Variants in UBE2J2 observed in about 807,000 individuals in gnomAD.
UBE2J2 encodes ubiquitin conjugating enzyme E2 J2.
A neutral mutation model predicts 28.6 loss-of-function variants in UBE2J2; 5 were observed. The observed-to-expected ratio is 0.17, with a 90% CI of 0.09 to 0.37. The LOEUF is 0.37. Among genes scored for constraint, UBE2J2 ranks in the 10% least tolerant of loss-of-function variants. UBE2J2 has a pLI of 1.00. For synonymous variants in UBE2J2, 138 were observed against 139.7 expected (o/e 0.99, Z 0.09); for missense variants, 226 against 338.9 (o/e 0.67, Z 2.62).
At chr1:1,259,580 A>C (rs1017427221) in intron 3 of UBE2J2, among the ~76,000 whole-genome samples, 2 of 151,984 alleles carry the variant, frequency 1.3e-5, no homozygotes, top group African/African-American at 4.8e-5. Context: ...CTCGGCATCC[A>C]CTCTGAATCT....
chr1:1,256,296 T>C (rs936262406), intron 5 of UBE2J2, 171 bp from the exon 6 acceptor site: 1 of 556,476 alleles, frequency 1.8e-6, no homozygotes. Context: ...CTTCTTAATC[T>C]TCCCCCCATC....
intron 2 of UBE2J2, chr1:1,266,073 C>T (rs1191728684): frequency 3.8e-5 from 49 of 1,303,840 alleles, no homozygotes; most frequent in Non-Finnish European, 4.2e-5. Context: ...GAGGAGGCGG[C>T]TACCGTGGAA....
chr1:1,259,378 G>A (rs532291348), intron 3 of UBE2J2, among the ~76,000 whole-genome samples: 14 of 152,316 alleles, frequency 9.2e-5, no homozygotes, highest in African/African-American at 3.4e-4. Context: ...GTGTGTATGC[G>A]TGTGCATGCC....
Position 1,262,269 on chromosome 1 carries a change from C to G in UBE2J2, c.172+1077G>C, listed in dbSNP as rs1253949918. 4 of 453,604 alleles carry G rather than the reference C, an allele frequency of 8.8e-6. No homozygotes were observed. The Admixed American group carries it at 9.5e-5, about 11-fold the overall frequency. 28.1% of individuals were successfully genotyped at this position (453,604 alleles called of 1,614,324 possible). On this transcript the variant is annotated intron_variant, in intron 3 of 6. Transcript: ENST00000349431. ...CACCTGCTCCCGGGCCTTATCTCAC[C>G]ACGGCCTGCTGGCATCCCCAACGCT...
intron 3 of UBE2J2, among the ~76,000 whole-genome samples, chr1:1,259,134 C>T (rs1049048839): frequency 7.2e-6 from 1 of 138,146 alleles, no homozygotes; most frequent in Admixed American, 7.0e-5. Flanking sequence ...CACGTGTGTG[C>T]ATGCCATCAG....
intron 2 of UBE2J2, chr1:1,266,081 G>A: frequency 5.4e-6 from 7 of 1,304,070 alleles, no homozygotes; most frequent in Non-Finnish European, 7.1e-6. Context: ...GGCTACCGTG[G>A]AACTTGTCCC....
At chr1:1,265,749 T>C (rs935221961) in intron 2 of UBE2J2, among the ~76,000 whole-genome samples, 1 of 151,720 alleles carries the variant, frequency 6.6e-6, no homozygotes, top group Non-Finnish European at 1.5e-5. Flanking sequence ...TGCCTCACCC[T>C]CCCAAGTAGC....
chr1:1,263,155 A>T, intron 3 of UBE2J2, 191 bp downstream of exon 3: 1 of 616,082 alleles, frequency 1.6e-6, no homozygotes, highest in African/African-American at 1.8e-5. Context: ...GCAGGCTGAG[A>T]CACATCAGCA....
At position 1,263,233 on chromosome 1, in the gene UBE2J2, A is replaced by G. The variant is rs1282390202; in HGVS notation, c.172+113T>C. On this transcript the variant is annotated intron_variant, in intron 3 of 6. Transcript: ENST00000349431. The stretch of plus-strand genomic sequence containing the variant: ...TTCCAACTAAGCCAATTTAACTAGC[A>G]CACATCCAAAGTAGAAAGGCTGCTG... 15 of 988,134 alleles carry G rather than the reference A, an allele frequency of 1.5e-5. No homozygotes were observed. The Admixed American group carries it at 2.8e-4, about 18-fold the overall frequency. 61.2% of individuals were successfully genotyped at this position (988,134 alleles called of 1,614,324 possible).
In UBE2J2 at chr1:1,268,309, G is replaced by A. The variant is rs1639979492; in HGVS notation, c.1-317C>T. 6.6e-6 allele frequency among the ~76,000 whole-genome samples: 1 copy of A among 152,048 alleles called. No homozygotes were observed. The highest frequency in any genetic ancestry group is 1.5e-5 in the Non-Finnish European group (1 of 68,016). ...GGGATACATTTACAGGGCTTGAGGG[G>A]GTATTCGGGCCACAGCCTCAGACCA... On this transcript the variant is annotated intron_variant, in intron 1 of 6. Transcript: ENST00000349431. This position sits in a 1 kb window ranked among gnomAD's most constrained non-coding sequence, Gnocchi z 4.7.
rs1640299426 is a variant in UBE2J2, at chr1:1,273,847, G to C, written c.-182C>G. On this transcript the variant is annotated 5_prime_UTR_variant, in exon 1 of 7. Transcript: ENST00000349431. ...AGCCTCCAAGATGGCCGCTCGCGGG[G>C]CGGAACCAGCCTAGCTTCTGCTTCC... is the stretch of plus-strand genomic sequence containing the variant. 6.5e-6 allele frequency: 1 copy of C among 153,422 alleles called. No homozygotes were observed. The highest frequency in any genetic ancestry group is 1.5e-5 in the Non-Finnish European group (1 of 68,414). 9.5% of individuals were successfully genotyped at this position (153,422 alleles called of 1,614,324 possible). A position where few individuals can be genotyped will look rare whatever the true frequency, so the allele number is the denominator to read the frequency against.
chr1:1,260,375 C>T (rs933046906), intron 3 of UBE2J2, among the ~76,000 whole-genome samples: 6 of 152,224 alleles, frequency 3.9e-5, no homozygotes, highest in African/African-American at 9.6e-5. Context: ...GTGACTTACA[C>T]GGCAGGAAAC....
chr1:1,255,731 C>T (rs902760579), intron 6 of UBE2J2, among the ~76,000 whole-genome samples: 4 of 152,246 alleles, frequency 2.6e-5, no homozygotes, highest in African/African-American at 9.6e-5. Flanking sequence ...CCAGGGAGCA[C>T]TCCAGTCCCA....
chr1:1,263,544 A>C (rs1639679055), intron 2 of UBE2J2, 158 bp from the exon 3 acceptor site: 1 of 676,942 alleles, frequency 1.5e-6, no homozygotes, highest in Non-Finnish European at 2.7e-6. Context: ...ACACGGCTTC[A>C]AAACCCCCGT....
intron 2 of UBE2J2, chr1:1,266,019 G>C (rs750447168): frequency 1.2e-5 from 16 of 1,291,878 alleles, no homozygotes; most frequent in Non-Finnish European, 1.5e-5. Context: ...ACAGATTTGT[G>C]GGGAGGGATT....
chr1:1,260,132 G>A (rs1396821506), intron 3 of UBE2J2, among the ~76,000 whole-genome samples: 5 of 152,196 alleles, frequency 3.3e-5, no homozygotes, highest in African/African-American at 1.2e-4. Context: ...GAACAGGGGT[G>A]GAGTCAACAG....
chr1:1,264,193 C>G (rs79797881), intron 2 of UBE2J2, among the ~76,000 whole-genome samples: 5,038 of 152,196 alleles, frequency 0.033, 100 homozygotes, highest in African/African-American at 0.059. Flanking sequence ...CAGGAACTGC[C>G]GTGATTGTGT....
chr1:1,263,359 C>A lies in UBE2J2; in HGVS notation c.159G>T (p.Met53Ile). 1 of 1,613,524 alleles carries A rather than the reference C, an allele frequency of 6.2e-7. No homozygotes were observed. The highest frequency in any genetic ancestry group is 1.1e-5 in the South Asian group (1 of 91,046). ...CAGAATCCTTACCTTCATAAGGGGTCATCTCTGGGCCTCGGACGACATAGT... is the reference window on the plus strand; with the variant it reads ...CAGAATCCTTACCTTCATAAGGGGTAATCTCTGGGCCTCGGACGACATAGT... ...EWHYVVRGPE[M>I]TPYEGGYYHG... The change falls in exon 3 of 7, where the codon ATG (methionine) becomes ATT (isoleucine). Residue 53 changes from methionine to isoleucine, a missense_variant. Around this residue, in one of 3 missense-constraint regions of UBE2J2, gnomAD observed 80 missense variants for 114.5 expected, o/e 0.70. Transcript: ENST00000349431.
At chr1:1,256,367 C>T (rs987639765) in intron 5 of UBE2J2, 6 of 425,684 alleles carry the variant, frequency 1.4e-5, no homozygotes, top group African/African-American at 8.2e-5. Flanking sequence ...ACCAAAGCAC[C>T]GGGCTCCCCG....
Sources: allele counts gnomAD v4.1 joint callset (sites outside exome capture counted in the v4.1 genomes callset), GRCh38; gene constraint gnomAD v4.1.1; regional missense constraint gnomAD v4.1.1; non-coding constraint Gnocchi (gnomAD v3.1); transcripts MANE v1.5; gene names NCBI Gene and HGNC (gene_info 2026-07-23, HGNC 2026-07-21).